The following RAB27A variants were observed in gnomAD, a reference collection of about 807,000 sequenced individuals.
The protein encoded by RAB27A is ras-related protein Rab-27A.
RAB27A carries 17 observed loss-of-function variants against 20.8 expected under a neutral mutation model. The ratio of observed to expected loss-of-function variants is 0.82; its 90% confidence interval spans 0.56 to 1.23. The LOEUF (loss-of-function observed/expected upper bound fraction) is 1.23, where lower values mean the gene tolerates loss of function less well. Among genes scored for constraint, RAB27A ranks in the 50% most tolerant of loss-of-function variants. The probability of loss-of-function intolerance (pLI) is 0.00; values close to 1 mark genes in which losing one functional copy is unlikely to be tolerated. For missense variants in RAB27A, 277 were observed against 266.7 expected (o/e 1.04, Z -0.27); for synonymous variants, 85 against 92.8 (o/e 0.92, Z 0.48).
chr15:55,294,799 C>T (rs898888046), upstream of RAB27A, among the ~76,000 whole-genome samples: 1 of 151,948 alleles, frequency 6.6e-6, no homozygotes, highest in Non-Finnish European at 1.5e-5. Flanking sequence ...AGATTTGACA[C>T]CAAAAGCACA....
At chr15:55,285,259 A>G (rs1479959581) in intron 1 of RAB27A, among the ~76,000 whole-genome samples, 5 of 151,634 alleles carry the variant, frequency 3.3e-5, no homozygotes, top group African/African-American at 4.9e-5. Context: ...CTAAAGCACT[A>G]CATGGTAAAC....
chr15:55,311,299 A>G (rs149734583), intron 2 of RAB27A, among the ~76,000 whole-genome samples: 7,800 of 152,250 alleles, frequency 0.051, 279 homozygotes, highest in East Asian at 0.15. Flanking sequence ...CTAAGAATTT[A>G]CCTAGGTCTA....
At position 55,209,784 on chromosome 15, in the gene RAB27A, ATATG is replaced by A. The variant is rs745530246; in HGVS notation, c.468-4083_468-4080del. Among the ~76,000 whole-genome samples, 65 of 125,414 alleles carry A rather than the reference ATATG, an allele frequency of 5.2e-4. 1 individual carries two copies. Among genetic ancestry groups the A allele is most frequent in the African/African-American group, 2.3e-3 (55 of 23,834 alleles). 82.3% of individuals were successfully genotyped at this position (125,414 alleles called of 152,430 possible). A position where few individuals can be genotyped will look rare whatever the true frequency, so the allele number is the denominator to read the frequency against. On this transcript the variant is annotated intron_variant, in intron 6 of 6. Coordinates refer to ENST00000336787, the MANE Select transcript of RAB27A (RefSeq NM_183235.3). ...TGTGTACATATACATATATACACAC[ATATG>A]TGTGTATGTATACATATATACACAC...
At chr15:55,207,075 T>C (rs891352180) in intron 6 of RAB27A, among the ~76,000 whole-genome samples, 11 of 152,088 alleles carry the variant, frequency 7.2e-5, no homozygotes, top group Non-Finnish European at 1.5e-4. Context: ...ATAAGGGAAA[T>C]GCAAGTTAAA....
At chr15:55,254,264 T>G (rs1595719908) in intron 2 of RAB27A, among the ~76,000 whole-genome samples, 1 of 152,252 alleles carries the variant, frequency 6.6e-6, no homozygotes, top group East Asian at 1.9e-4. Flanking sequence ...TTTAAGTTAT[T>G]ACTTTCCTAT....
intron 2 of RAB27A, among the ~76,000 whole-genome samples, chr15:55,296,590 G>A (rs1321879195): frequency 6.6e-6 from 1 of 152,188 alleles, no homozygotes; most frequent in Non-Finnish European, 1.5e-5. Context: ...GAAAATGACA[G>A]TGACATGCAA....
chr15:55,271,130 A>C (rs1273351665), intron 1 of RAB27A, among the ~76,000 whole-genome samples: 1 of 151,956 alleles, frequency 6.6e-6, no homozygotes, highest in Non-Finnish European at 1.5e-5. Context: ...TCCACACCAC[A>C]CCCAAAGTGA....
At chr15:55,242,933 G>A (rs1896549764) in intron 2 of RAB27A, among the ~76,000 whole-genome samples, 1 of 152,184 alleles carries the variant, frequency 6.6e-6, no homozygotes. Flanking sequence ...TCTTCTGTCT[G>A]TATTCCTTCC....
intron 2 of RAB27A, among the ~76,000 whole-genome samples, chr15:55,261,364 T>A (rs1897261236): frequency 1.3e-5 from 2 of 151,858 alleles, no homozygotes; most frequent in South Asian, 4.2e-4. Flanking sequence ...GCCACTGCAC[T>A]CCAGCCTGGG....
chr15:55,231,017 G>A (rs1896011262), intron 3 of RAB27A, among the ~76,000 whole-genome samples: 1 of 152,000 alleles, frequency 6.6e-6, no homozygotes. Flanking sequence ...CTGTCTTTAT[G>A]TCCATGCGTA....
intron 6 of RAB27A, among the ~76,000 whole-genome samples, chr15:55,221,659 C>T (rs1057167559): frequency 5.3e-5 from 8 of 152,130 alleles, no homozygotes; most frequent in African/African-American, 1.9e-4. Context: ...AATGCCCTTT[C>T]TGGTTAGGGT....
intron 6 of RAB27A, among the ~76,000 whole-genome samples, chr15:55,223,196 A>G (rs1244917475): frequency 6.6e-6 from 1 of 152,140 alleles, no homozygotes; most frequent in African/African-American, 2.4e-5. Flanking sequence ...ACAATAGTAC[A>G]TGAAGTGGCT....
intron 2 of RAB27A, among the ~76,000 whole-genome samples, chr15:55,258,616 T>C (rs1487998287): frequency 6.6e-6 from 1 of 152,220 alleles, no homozygotes; most frequent in Admixed American, 6.5e-5. Context: ...AATGTCAAAT[T>C]GCTGTCCAAT....
intron 2 of RAB27A, among the ~76,000 whole-genome samples, chr15:55,235,395 C>G (rs1357040958): frequency 6.6e-6 from 1 of 151,880 alleles, no homozygotes; most frequent in Admixed American, 6.6e-5. Flanking sequence ...TTGCAGTGAG[C>G]CAAGATTGCG....
chr15:55,306,337 G>A (rs2054996818), intron 2 of RAB27A, among the ~76,000 whole-genome samples: 1 of 152,148 alleles, frequency 6.6e-6, no homozygotes, highest in African/African-American at 2.4e-5. Context: ...AGTTAGTAGG[G>A]TTTTGGGCCG....
chr15:55,242,243 G>C (rs200469246), intron 2 of RAB27A, among the ~76,000 whole-genome samples: 2 of 152,158 alleles, frequency 1.3e-5, no homozygotes, highest in East Asian at 3.8e-4. Flanking sequence ...AAATATACTT[G>C]ATTTTATTTT....
intron 1 of RAB27A, among the ~76,000 whole-genome samples, chr15:55,285,261 A>G (rs551397118): frequency 1.5e-4 from 23 of 151,416 alleles, no homozygotes; most frequent in African/African-American, 5.1e-4. Context: ...AAAGCACTAC[A>G]TGGTAAACTT....
intron 5 of RAB27A, among the ~76,000 whole-genome samples, chr15:55,227,580 T>TA (rs1895860695): frequency 6.6e-6 from 1 of 152,176 alleles, no homozygotes; most frequent in Non-Finnish European, 1.5e-5. Flanking sequence ...AAAAGGCCAT[T>TA]AAAAAGGAAA....
chr15:55,262,060 A>T (rs1028657648), intron 2 of RAB27A, among the ~76,000 whole-genome samples: 17 of 152,034 alleles, frequency 1.1e-4, no homozygotes, highest in African/African-American at 4.1e-4. Context: ...AAAGTTTTCA[A>T]TAAACTCTTT....
Sources: gnomAD v4.1 joint callset for allele counts (sites outside exome capture counted in the v4.1 genomes callset) on GRCh38, gnomAD v4.1.1 for gene constraint, MANE v1.5 for transcripts, NCBI Gene and HGNC (gene_info 2026-07-23, HGNC 2026-07-21) for gene names.